The following HMCN1 variants were observed in gnomAD, a reference collection of about 807,000 sequenced individuals.
HMCN1 encodes the protein hemicentin-1.
HMCN1 carries 321 observed loss-of-function variants against 625.9 expected under a neutral mutation model. The observed-to-expected ratio is 0.51, with a 90% CI of 0.47 to 0.56. HMCN1 has a LOEUF of 0.56. Among genes scored for constraint, HMCN1 ranks in the 20% least tolerant of loss-of-function variants. The pLI is 0.00. For synonymous variants in HMCN1, 2,425 were observed against 2,417.6 expected (o/e 1.00, Z -0.09); for missense variants, 6,588 against 6,887.3 (o/e 0.96, Z 1.54).
At chr1:185,854,898 C>A (rs1662370331) in intron 2 of HMCN1, among the ~76,000 whole-genome samples, 1 of 152,122 alleles carries the variant, frequency 6.6e-6, no homozygotes. Flanking sequence ...CACAGCATTC[C>A]AATCTTCATT....
chr1:185,960,765 A>C (rs1398265220), intron 11 of HMCN1, among the ~76,000 whole-genome samples: 2 of 152,236 alleles, frequency 1.3e-5, no homozygotes, highest in Non-Finnish European at 2.9e-5. Context: ...ATAGCTAGAC[A>C]CGAGAAGCAT....
At chr1:185,852,610 AC>A (rs1662233230) in intron 2 of HMCN1, among the ~76,000 whole-genome samples, 1 of 147,748 alleles carries the variant, frequency 6.8e-6, no homozygotes, top group South Asian at 2.2e-4. Flanking sequence ...ACACACACAC[AC>A]ACACACACAC....
chr1:185,852,834 G>A (rs533227432), intron 2 of HMCN1, among the ~76,000 whole-genome samples: 1 of 151,944 alleles, frequency 6.6e-6, no homozygotes, highest in African/African-American at 2.4e-5. Flanking sequence ...CAACAGTTTT[G>A]GAATATGTGC....
Position 186,189,953 on chromosome 1 carries a change from T to C in HMCN1, c.*75T>C. The stretch of plus-strand genomic sequence containing the variant: ...AATCAAGCCCCCTTCCAGATTACTG[T>C]CTCTTGAACAGTTGCAATCTTGGCA... On this transcript the variant is annotated 3_prime_UTR_variant, in exon 107 of 107. Coordinates refer to ENST00000271588, the MANE Select transcript of HMCN1 (RefSeq NM_031935.3). The C allele has an allele frequency of 1.3e-6, 2 of 1,541,086 alleles. No homozygotes were observed. Among genetic ancestry groups the C allele is most frequent in the Non-Finnish European group, 1.8e-6 (2 of 1,122,746 alleles).
rs147125583 is a variant in HMCN1, at chr1:186,070,123, C to G, written c.7993+347C>G. 3.7e-3 allele frequency among the ~76,000 whole-genome samples: 568 copies of G among 152,246 alleles called. 4 individuals are homozygous for G. Among genetic ancestry groups the G allele is most frequent in the African/African-American group, 0.013 (541 of 41,546 alleles). On this transcript the variant is annotated intron_variant, in intron 51 of 106. Coordinates refer to ENST00000271588, the MANE Select transcript of HMCN1 (RefSeq NM_031935.3). ...GATGCATATGTTCTAATCAACAGCC[C>G]AAGATGAGGTCATTAGTGACTTTGA...
Position 186,155,041 on chromosome 1 carries a change from T to A in HMCN1, c.15256+1054T>A, listed in dbSNP as rs181546911. 1.7e-3 allele frequency among the ~76,000 whole-genome samples: 261 copies of A among 152,310 alleles called. 8 individuals carry two copies. In the East Asian group the frequency reaches 0.044, roughly 26 times the overall value. On this transcript the variant is annotated intron_variant, in intron 97 of 106. Coordinates refer to ENST00000271588, the MANE Select transcript of HMCN1 (RefSeq NM_031935.3). ...TCACTTAAAAGGATTCACATTGACCTTGTCAATGTGTTTTGCTGTGTGCCA... is the reference window on the plus strand; with the variant it reads ...TCACTTAAAAGGATTCACATTGACCATGTCAATGTGTTTTGCTGTGTGCCA...
intron 4 of HMCN1, 113 bp downstream of exon 4, chr1:185,865,976 A>T: frequency 1.0e-6 from 1 of 970,662 alleles, no homozygotes; most frequent in African/African-American, 1.6e-5. Context: ...AAAAGGTATA[A>T]CTCCAAGGCC....
chr1:186,044,486 G>T (rs1367135811), intron 40 of HMCN1, among the ~76,000 whole-genome samples: 1 of 152,052 alleles, frequency 6.6e-6, no homozygotes, highest in Non-Finnish European at 1.5e-5. Flanking sequence ...GGTTACGGAG[G>T]CACAATACTA....
intron 85 of HMCN1, among the ~76,000 whole-genome samples, 182 bp from the exon 86 acceptor site, chr1:186,132,140 CCTCTTT>C (rs1480199248): frequency 6.6e-6 from 1 of 152,028 alleles, no homozygotes; most frequent in Non-Finnish European, 1.5e-5. Flanking sequence ...CCTTCCCCCT[CCTCTTT>C]CTCTTCCTCC....
chr1:185,792,980 A>G (rs1471500655), intron 1 of HMCN1, among the ~76,000 whole-genome samples: 3 of 152,182 alleles, frequency 2.0e-5, no homozygotes, highest in African/African-American at 7.2e-5. Flanking sequence ...TAAACTATCT[A>G]GTGTATAGGA....
rs940310147 is a variant in HMCN1, at chr1:186,061,945, C to G, written c.7407C>G (p.Ile2469Met). 8 of 1,608,556 alleles carry G rather than the reference C, an allele frequency of 5.0e-6. No homozygotes were observed. The Admixed American group carries it at 1.3e-4, about 27-fold the overall frequency. The change falls in exon 47 of 107, where the codon ATC becomes ATG. Residue 2469 changes from isoleucine to methionine, a missense_variant. Around this residue, in one of 3 missense-constraint regions of HMCN1, gnomAD observed 4,628 missense variants for 4,853.1 expected, o/e 0.95. Coordinates refer to ENST00000271588, the MANE Select transcript of HMCN1 (RefSeq NM_031935.3). ...VRNAAGEERK[I>M]FGLSVLVPPH... ...ATGCAGCTGGTGAAGAAAGAAAAATCTTTGGGCTTTCAGTATTAGGTACTT... is the reference window on the plus strand; with the variant it reads ...ATGCAGCTGGTGAAGAAAGAAAAATGTTTGGGCTTTCAGTATTAGGTACTT...
At chr1:185,819,010 G>A (rs183368103) in intron 1 of HMCN1, among the ~76,000 whole-genome samples, 53 of 151,710 alleles carry the variant, frequency 3.5e-4, no homozygotes, top group Admixed American at 1.4e-3. Context: ...AGGCTGAGGC[G>A]GGCGGATCAC....
intron 71 of HMCN1, 52 bp downstream of exon 71, chr1:186,108,649 A>G: frequency 6.2e-7 from 1 of 1,605,682 alleles, no homozygotes; most frequent in Non-Finnish European, 8.5e-7. Context: ...AAAAAAGTAA[A>G]AAAATCAGCT....
intron 24 of HMCN1, 92 bp downstream of exon 24, chr1:185,995,179 T>C (rs943180336): frequency 1.7e-6 from 2 of 1,195,830 alleles, no homozygotes; most frequent in Admixed American, 1.7e-5. Context: ...TAATCTTAAA[T>C]GACTTCAGAA....
intron 1 of HMCN1, among the ~76,000 whole-genome samples, chr1:185,803,008 T>C (rs1414268882): frequency 6.6e-6 from 1 of 151,518 alleles, no homozygotes; most frequent in African/African-American, 2.4e-5. Context: ...TCCAGAAAAA[T>C]AAAGCTCCTA....
chr1:185,999,737 C>T (rs1030613419), intron 25 of HMCN1, among the ~76,000 whole-genome samples: 13 of 152,030 alleles, frequency 8.6e-5, no homozygotes, highest in Non-Finnish European at 2.9e-5. Flanking sequence ...TAATATAGTT[C>T]CTGCCCTGCC....
At chr1:185,965,698 G>C in intron 13 of HMCN1, 104 bp from the exon 14 acceptor site, 1 of 750,164 alleles carries the variant, frequency 1.3e-6, no homozygotes. Flanking sequence ...TATTGAAATG[G>C]CCACAAGCAC....
intron 2 of HMCN1, among the ~76,000 whole-genome samples, chr1:185,846,911 T>A (rs1661857112): frequency 6.6e-6 from 1 of 152,180 alleles, no homozygotes; most frequent in Admixed American, 6.5e-5. Context: ...CTTAGTCATC[T>A]ATTTCCACAA....
At chr1:186,133,046 G>A (rs138440667) in intron 86 of HMCN1, among the ~76,000 whole-genome samples, 64 of 152,186 alleles carry the variant, frequency 4.2e-4, no homozygotes, top group African/African-American at 1.4e-3. Context: ...TATCATTGTT[G>A]GACATTTGGG....
Sources: allele counts gnomAD v4.1 joint callset (sites outside exome capture counted in the v4.1 genomes callset), GRCh38; gene constraint gnomAD v4.1.1; regional missense constraint gnomAD v4.1.1; transcripts MANE v1.5; gene names NCBI Gene and HGNC (gene_info 2026-07-23, HGNC 2026-07-21).